The following RNF216 variants were observed in gnomAD, a reference collection of about 807,000 sequenced individuals.
The protein encoded by RNF216 is E3 ubiquitin-protein ligase RNF216.
Under a neutral mutation model 110.8 loss-of-function variants are expected in RNF216, and 72 were observed. The observed-to-expected ratio is 0.65, with a 90% confidence interval of 0.54 to 0.79. The LOEUF (loss-of-function observed/expected upper bound fraction) is 0.79, where lower values mean the gene tolerates loss of function less well. Among genes scored for constraint, RNF216 ranks in the 30% least tolerant of loss-of-function variants. The probability of loss-of-function intolerance (pLI) is 0.00; values close to 1 mark genes in which losing one functional copy is unlikely to be tolerated. For synonymous variants in RNF216, 495 were observed against 407.5 expected (o/e 1.21, Z -2.59); for missense variants, 1,342 against 1,141.2 (o/e 1.18, Z -2.54).
intron 13 of RNF216, among the ~76,000 whole-genome samples, chr7:5,674,212 T>C (rs1406420310): frequency 6.6e-6 from 1 of 152,032 alleles, no homozygotes; most frequent in Non-Finnish European, 1.5e-5. Flanking sequence ...GTATTTTTAG[T>C]AGAGACGGGG....
At chr7:5,677,062 C>T (rs1012428116) in intron 13 of RNF216, among the ~76,000 whole-genome samples, 4 of 152,218 alleles carry the variant, frequency 2.6e-5, no homozygotes, top group African/African-American at 7.2e-5. Flanking sequence ...AAGAGAAATA[C>T]CACTACAGAC....
At chr7:5,675,016 A>T (rs748145986) in intron 13 of RNF216, among the ~76,000 whole-genome samples, 7 of 151,764 alleles carry the variant, frequency 4.6e-5, no homozygotes, top group Admixed American at 6.6e-5. Flanking sequence ...ACAAACAAAC[A>T]ATATATATAT....
chr7:5,716,658 G>C, intron 10 of RNF216, 58 bp downstream of exon 10: 1 of 1,375,780 alleles, frequency 7.3e-7, no homozygotes, highest in East Asian at 2.3e-5. Context: ...ACAAAACATG[G>C]TAAGAGAAAA....
chr7:5,752,898 G>C lies in RNF216; in HGVS notation c.149C>G (p.Ala50Gly), dbSNP rs115737075. 1.4e-3 allele frequency: 2,309 copies of C among 1,612,384 alleles called. 32 individuals carry two copies. In the African/African-American group the frequency reaches 0.028, roughly 20 times the overall value. Residue 50 changes from alanine (A) to glycine (G), a missense_variant, in exon 3 of 17, where the codon GCT (alanine) becomes GGT (glycine). Ala to Gly is a moderately conservative substitution (Grantham distance 60). Coordinates refer to ENST00000389902, the MANE Select transcript of RNF216 (RefSeq NM_207111.4). Reference sequence around the variant, plus strand: ...GTCCTCTTCTTCATGCTGCTGAGGAGCTGGGGTGACCAGCATTGGAATCCT... The same window carrying C: ...GTCCTCTTCTTCATGCTGCTGAGGACCTGGGGTGACCAGCATTGGAATCCT... ...EERIPMLVTP[A>G]PQQHEEEDLD...
At chr7:5,776,368 G>C (rs1210667596) in intron 1 of RNF216, among the ~76,000 whole-genome samples, 1 of 151,616 alleles carries the variant, frequency 6.6e-6, no homozygotes, top group African/African-American at 2.4e-5. Context: ...CGGATCACGA[G>C]GTCAGGAGAC....
chr7:5,668,355 T>C (rs1212709369), intron 13 of RNF216, among the ~76,000 whole-genome samples: 3 of 151,784 alleles, frequency 2.0e-5, no homozygotes, highest in African/African-American at 4.8e-5. Flanking sequence ...TCCCGAGTAG[T>C]TGGGACTATA....
intron 14 of RNF216, among the ~76,000 whole-genome samples, chr7:5,650,303 T>C (rs1489193543): frequency 1.3e-4 from 20 of 152,194 alleles, no homozygotes; most frequent in Admixed American, 1.3e-3. Context: ...CTGCCAGGTT[T>C]AAATAGGACC....
At position 5,698,637 on chromosome 7, in the gene RNF216, T is replaced by A. The variant is rs140826460; in HGVS notation, c.2061+13124A>T. On this transcript the variant is annotated intron_variant, in intron 13 of 16. Transcript: ENST00000389902. ...TTGAACTCATAACCTCAAGCAATCC[T>A]CCTGCCTCATTCTCCCAAAGTGCTG... Among the ~76,000 whole-genome samples, 97 of 152,242 alleles carry A rather than the reference T, an allele frequency of 6.4e-4. No homozygotes were observed. The East Asian group carries it at 0.019, about 29-fold the overall frequency.
chr7:5,622,818 C>A lies in RNF216; in HGVS notation c.*42G>T. On this transcript the variant is annotated 3_prime_UTR_variant, in exon 17 of 17. Coordinates refer to ENST00000389902, the MANE Select transcript of RNF216 (RefSeq NM_207111.4). Reference sequence around the variant, plus strand: ...GGAGGGTTCTCCATCCACACTCCTACCCCAAACGGGCTTTGTGCTGCTCAA... The same window carrying A: ...GGAGGGTTCTCCATCCACACTCCTAACCCAAACGGGCTTTGTGCTGCTCAA... 6.5e-7 allele frequency: 1 copy of A among 1,545,470 alleles called. No individual in the cohort carries two copies. Among genetic ancestry groups the A allele is most frequent in the Admixed American group, 1.7e-5 (1 of 57,508 alleles).
intron 1 of RNF216, among the ~76,000 whole-genome samples, chr7:5,770,139 A>G (rs968461540): frequency 6.6e-6 from 1 of 151,056 alleles, no homozygotes; most frequent in East Asian, 1.9e-4. Flanking sequence ...TTGAGCACAG[A>G]AGTTTAAGGC....
intron 13 of RNF216, among the ~76,000 whole-genome samples, chr7:5,682,682 C>T (rs116647630): frequency 3.3e-5 from 5 of 152,102 alleles, no homozygotes; most frequent in African/African-American, 1.2e-4. Flanking sequence ...GCTGGGATAT[C>T]GGCGTGAGCC....
In RNF216 at chr7:5,721,201, T is replaced by C. The variant is rs371711295; in HGVS notation, c.1505-29A>G. 13 of 1,609,128 alleles carry C rather than the reference T, an allele frequency of 8.1e-6. No homozygotes were observed. The African/African-American group carries it at 1.3e-4, about 17-fold the overall frequency. On this transcript the variant is annotated intron_variant, in intron 8 of 16. Transcript: ENST00000389902. ...GAAGATATACGACAATGCAAAAGCA[T>C]GCAGACAACTATGTGTTAGGAACCT...
intron 13 of RNF216, among the ~76,000 whole-genome samples, chr7:5,708,125 C>G (rs376181376): frequency 2.6e-5 from 4 of 152,304 alleles, no homozygotes; most frequent in South Asian, 4.1e-4. Flanking sequence ...TGATTTTGAT[C>G]TTAAATTTGT....
intron 3 of RNF216, 74 bp downstream of exon 3, chr7:5,752,772 G>A (rs1349189159): frequency 6.7e-7 from 1 of 1,495,386 alleles, no homozygotes; most frequent in Non-Finnish European, 9.2e-7. Context: ...CTACAACAAG[G>A]CCCACAAGAG....
chr7:5,684,346 A>T (rs553881820), intron 13 of RNF216, among the ~76,000 whole-genome samples: 2 of 151,670 alleles, frequency 1.3e-5, no homozygotes, highest in African/African-American at 2.4e-5. Context: ...TGACCTCGTG[A>T]CCCACCTGCC....
intron 13 of RNF216, among the ~76,000 whole-genome samples, chr7:5,689,248 T>A (rs551982218): frequency 1.3e-5 from 2 of 151,670 alleles, no homozygotes; most frequent in Non-Finnish European, 2.9e-5. Flanking sequence ...GAAGCTGATA[T>A]GGCAGCATTT....
chr7:5,623,549 C>T (rs1786522813), intron 16 of RNF216, among the ~76,000 whole-genome samples: 1 of 152,018 alleles, frequency 6.6e-6, no homozygotes, highest in South Asian at 2.1e-4. Context: ...ATCCACCTGC[C>T]TCACCCTCCC....
intron 14 of RNF216, among the ~76,000 whole-genome samples, chr7:5,645,105 G>A (rs1048507464): frequency 2.0e-5 from 3 of 151,994 alleles, no homozygotes; most frequent in Non-Finnish European, 2.9e-5. Context: ...ATGAGCCACC[G>A]TGCCCCGCCT....
At chr7:5,660,324 G>A (rs1177222819) in intron 13 of RNF216, among the ~76,000 whole-genome samples, 1 of 91,908 alleles carries the variant, frequency 1.1e-5, no homozygotes, top group African/African-American at 4.0e-5. Context: ...ATGGAGTCTC[G>A]CTTTGTCACC....
Sources: gnomAD v4.1 joint callset for allele counts (sites outside exome capture counted in the v4.1 genomes callset) on GRCh38, gnomAD v4.1.1 for gene constraint, MANE v1.5 for transcripts, NCBI Gene and HGNC (gene_info 2026-07-23, HGNC 2026-07-21) for gene names.